Variants in CLEC12A observed in about 807,000 individuals in gnomAD.
CLEC12A encodes the protein C-type lectin protein CLL-1.
CLEC12A carries 22 observed loss-of-function variants against 26.5 expected under a neutral mutation model. The ratio of observed to expected loss-of-function variants is 0.83; its 90% CI spans 0.59 to 1.19. The LOEUF is 1.19. Ranked by LOEUF, CLEC12A falls within the 50% of genes most tolerant of loss-of-function variation. CLEC12A has a pLI of 0.00. For missense variants in CLEC12A, 353 were observed against 315.6 expected (o/e 1.12, Z -0.90); for synonymous variants, 119 against 101.9 (o/e 1.17, Z -1.01).
chr12:10,004,171 G>T, the CLEC12A span, among the ~76,000 whole-genome samples: 1 of 152,164 alleles, frequency 6.6e-6, no homozygotes, highest in Admixed American at 6.5e-5. Context: ...CTAGGGGTGG[G>T]TGCCTGGAAC....
At chr12:10,005,234 A>T in the CLEC12A span, among the ~76,000 whole-genome samples, 1 of 152,342 alleles carries the variant, frequency 6.6e-6, no homozygotes, top group East Asian at 1.9e-4. Context: ...TTATAGTAGA[A>T]GGTGGTCAGC....
chr12:9,951,493 C>G (rs773925192), intron 1 of CLEC12A: 151 of 671,200 alleles, frequency 2.2e-4, no homozygotes, highest in Middle Eastern at 1.9e-3. Context: ...AGTTCAGACA[C>G]TCTTGGGGCT....
At chr12:9,996,855 C>T (rs200850206), downstream of CLEC12A, 1 of 1,614,026 alleles carries the variant, frequency 6.2e-7, no homozygotes, top group South Asian at 1.1e-5. Context: ...CCACAATGTT[C>T]CGGTTGTCAA....
At chr12:9,953,427 T>C (rs867404771) in intron 1 of CLEC12A, 6 of 7,480 alleles carry the variant, frequency 8.0e-4, no homozygotes, top group Admixed American at 1.5e-3. Flanking sequence ...GCCCCCCGCC[T>C]GGCCAGCCGC....
At chr12:9,972,651 A>C (rs1156713740) in intron 1 of CLEC12A, among the ~76,000 whole-genome samples, 2 of 152,192 alleles carry the variant, frequency 1.3e-5, no homozygotes, top group African/African-American at 2.4e-5. Flanking sequence ...CCCACACAGA[A>C]TATAACATCT....
At chr12:9,957,463 GGGT>G (rs1476188490) in intron 1 of CLEC12A, among the ~76,000 whole-genome samples, 1 of 34,054 alleles carries the variant, frequency 2.9e-5, no homozygotes, top group Non-Finnish European at 7.7e-5. Context: ...ATTCCAGCCT[GGGT>G]GATGACAGAG....
At chr12:9,969,724 G>T (rs1000764152), upstream of CLEC12A, among the ~76,000 whole-genome samples, 7 of 152,108 alleles carry the variant, frequency 4.6e-5, no homozygotes, top group East Asian at 1.9e-4. Context: ...CAAACAAAGA[G>T]ATATTTATAA....
At position 9,979,511 on chromosome 12, in the gene CLEC12A, T is replaced by A; in HGVS notation, c.366T>A (p.Tyr122Ter). 6.2e-7 allele frequency: 1 copy of A among 1,610,644 alleles called. No homozygotes were observed. Among genetic ancestry groups the A allele is most frequent in the East Asian group, 2.2e-5 (1 of 44,828 alleles). The change falls in exon 3 of 6, where the codon TAT (tyrosine) becomes TAA (stop). Residue 122 changes from tyrosine to a stop codon, truncating the protein, a stop_gained. Coordinates refer to ENST00000304361, the MANE Select transcript of CLEC12A (RefSeq NM_138337.6). LOFTEE classifies it high-confidence loss of function. The part of the protein sequence containing the change: ...TIATKLCREL[Y>*]SKEQEHKCKP... The stretch of plus-strand genomic sequence containing the variant: ...CCACCAAATTATGTCGTGAGCTATA[T>A]AGCAAAGAACAAGGTAATCTTGTAT...
intron 1 of CLEC12A, among the ~76,000 whole-genome samples, chr12:9,972,058 G>GT (rs1379020079): frequency 3.0e-4 from 10 of 33,296 alleles, no homozygotes; most frequent in African/African-American, 8.4e-4. Context: ...GTGTGTGTGT[G>GT]TGTTTTTTTT....
At chr12:9,968,436 AG>A (rs1387733826), upstream of CLEC12A, among the ~76,000 whole-genome samples, 3 of 151,862 alleles carry the variant, frequency 2.0e-5, no homozygotes, top group African/African-American at 7.3e-5. Flanking sequence ...ATTACATCAA[AG>A]GGGGGTTGTT....
intron 1 of CLEC12A, among the ~76,000 whole-genome samples, chr12:9,964,289 A>G (rs986649883): frequency 2.0e-5 from 3 of 152,046 alleles, no homozygotes; most frequent in East Asian, 1.9e-4. Flanking sequence ...GGTGTAGGAG[A>G]CAGGAGATGT....
chr12:9,994,829 G>GCA (rs1864993446), intron 4 of CLEC12A, among the ~76,000 whole-genome samples: 1 of 138,424 alleles, frequency 7.2e-6, no homozygotes, highest in Admixed American at 7.7e-5. Context: ...ACATGTGCAT[G>GCA]CGCGCACACA....
chr12:10,000,281 A>T (rs1865142773), downstream of CLEC12A, among the ~76,000 whole-genome samples: 1 of 152,258 alleles, frequency 6.6e-6, no homozygotes, highest in African/African-American at 2.4e-5. Context: ...CCTTTGGCAT[A>T]GCCCGTAGAT....
downstream of CLEC12A, among the ~76,000 whole-genome samples, chr12:9,987,732 C>CT (rs1378094410): frequency 1.3e-5 from 2 of 152,028 alleles, no homozygotes; most frequent in Non-Finnish European, 2.9e-5. Context: ...TTCTGTTAAC[C>CT]TGTATGTTTT....
intron 1 of CLEC12A, 141 bp downstream of exon 1, chr12:9,971,828 A>T: frequency 1.6e-6 from 1 of 627,466 alleles, no homozygotes; most frequent in Non-Finnish European, 2.5e-6. Flanking sequence ...AGGAACAAAA[A>T]GTGTATGAAC....
intron 5 of CLEC12A, chr12:9,983,746 T>C (rs1274668581): frequency 4.2e-6 from 2 of 472,492 alleles, no homozygotes; most frequent in African/African-American, 4.0e-5. Flanking sequence ...GTTTTGTTTG[T>C]TTGCTTTTTC....
At chr12:9,964,242 G>A (rs928242310) in intron 1 of CLEC12A, among the ~76,000 whole-genome samples, 17 of 152,162 alleles carry the variant, frequency 1.1e-4, no homozygotes, top group Non-Finnish European at 1.9e-4. Context: ...GAGTTCATCA[G>A]GAGGGTAAAG....
intron 5 of CLEC12A, 111 bp from the exon 6 acceptor site, chr12:9,984,759 A>T: frequency 2.0e-6 from 2 of 996,596 alleles, no homozygotes; most frequent in Non-Finnish European, 2.6e-6. Flanking sequence ...TTTAGTTTAA[A>T]CAACACAGAG....
downstream of CLEC12A, chr12:9,999,320 AAAT>A (rs1290317350): frequency 2.6e-6 from 1 of 391,890 alleles, no homozygotes. Context: ...AAAAACACAA[AAAT>A]AATAATAACT....
Sources: allele counts gnomAD v4.1 joint callset (sites outside exome capture counted in the v4.1 genomes callset), GRCh38; gene constraint gnomAD v4.1.1; transcripts MANE v1.5; gene names NCBI Gene and HGNC (gene_info 2026-07-23, HGNC 2026-07-21).